The following ZSCAN5A variants were observed in gnomAD, a reference collection of about 807,000 sequenced individuals.
ZSCAN5A encodes the protein zinc finger and SCAN domain containing 5A.
A neutral mutation model predicts 23.7 loss-of-function variants in ZSCAN5A; 12 were observed. The ratio of observed to expected loss-of-function variants is 0.51; its 90% CI spans 0.32 to 0.82. The LOEUF is 0.82. Among genes scored for constraint, ZSCAN5A ranks in the 40% least tolerant of loss-of-function variants. The pLI is 0.03. For missense variants in ZSCAN5A, 597 were observed against 617.9 expected (o/e 0.97, Z 0.36); for synonymous variants, 257 against 239.9 (o/e 1.07, Z -0.66).
chr19:56,247,835 G>T (rs190455745), intron 2 of ZSCAN5A, among the ~76,000 whole-genome samples: 2 of 152,186 alleles, frequency 1.3e-5, no homozygotes, highest in East Asian at 3.9e-4. Context: ...GGGACTACAG[G>T]CGCCTGCCAC....
intron 2 of ZSCAN5A, among the ~76,000 whole-genome samples, chr19:56,264,299 A>C (rs115384341): frequency 2.4e-3 from 364 of 152,278 alleles, no homozygotes; most frequent in African/African-American, 8.2e-3. Context: ...CAGCCCAAGA[A>C]AGACTTTTTG....
At chr19:56,297,576 G>C (rs2039963190) in intron 2 of ZSCAN5A, 1 of 959,086 alleles carries the variant, frequency 1.0e-6, no homozygotes, top group South Asian at 4.8e-5. Context: ...AAGACAGTGT[G>C]TCCCTTCTGT....
rs527475455 is a variant in ZSCAN5A at position 56,248,968 on chromosome 19, A to G, written c.-127-23795T>C. Among the ~76,000 whole-genome samples the G allele has an allele frequency of 8.5e-4, 130 of 152,238 alleles. 2 individuals are homozygous for G. The highest frequency in any genetic ancestry group is 7.7e-4 in the East Asian group (4 of 5,168). ...TCCTGTGGGTTTGGACAAAGGCCTC[A>G]TGAGTATCCACCACTGGAGTATCAT... On this transcript the variant is annotated intron_variant, in intron 2 of 5. Transcript: ENST00000683990.
intron 2 of ZSCAN5A, among the ~76,000 whole-genome samples, chr19:56,237,023 G>T (rs914548009): frequency 2.0e-5 from 3 of 152,238 alleles, no homozygotes; most frequent in Non-Finnish European, 2.9e-5. Context: ...TAGCCAATGG[G>T]AGGCCTGTCA....
intron 2 of ZSCAN5A, chr19:56,302,103 G>A (rs1452343575): frequency 1.2e-5 from 15 of 1,231,754 alleles, no homozygotes; most frequent in African/African-American, 1.6e-5. Context: ...TGGGTAAGAA[G>A]AAGGCAGCAC....
intron 2 of ZSCAN5A, among the ~76,000 whole-genome samples, chr19:56,290,735 A>C (rs1316726719): frequency 6.6e-6 from 1 of 152,174 alleles, no homozygotes; most frequent in Non-Finnish European, 1.5e-5. Flanking sequence ...TAGTTTTACG[A>C]TATTGAATGG....
intron 2 of ZSCAN5A, chr19:56,245,377 C>T (rs778325280): frequency 2.7e-6 from 2 of 750,926 alleles, no homozygotes; most frequent in African/African-American, 1.7e-5. Context: ...GCCAGGCCAG[C>T]CAAGAGCTGC....
intron 2 of ZSCAN5A, among the ~76,000 whole-genome samples, chr19:56,237,637 G>T (rs1020566720): frequency 6.6e-6 from 1 of 152,110 alleles, no homozygotes; most frequent in African/African-American, 2.4e-5. Context: ...ATCGATTATG[G>T]GCCGGGGCGC....
At chr19:56,302,331 C>CT (rs1220330517) in intron 2 of ZSCAN5A, among the ~76,000 whole-genome samples, 1 of 140,906 alleles carries the variant, frequency 7.1e-6, no homozygotes, top group African/African-American at 2.6e-5. Context: ...CCTCCCCTTC[C>CT]TCCTTCCCTT....
chr19:56,362,135 G>T (rs10401898), intron 2 of ZSCAN5A, among the ~76,000 whole-genome samples: 23,464 of 147,944 alleles, frequency 0.16, 1,962 homozygotes, highest in Middle Eastern at 0.3. Context: ...TCTAGCCTGG[G>T]CGACAGAGTG....
chr19:56,347,435 T>C (rs189175243), intron 2 of ZSCAN5A: 1 of 152,184 alleles, frequency 6.6e-6, no homozygotes, highest in East Asian at 1.9e-4. Flanking sequence ...TATCAGTTAA[T>C]TGCACTCTTG....
At chr19:56,225,451 A>C (rs1348666895) in intron 2 of ZSCAN5A, 1 of 162,678 alleles carries the variant, frequency 6.1e-6, no homozygotes, top group Non-Finnish European at 1.3e-5. Context: ...TAGTTAGGTG[A>C]AGCTCTGAAA....
intron 2 of ZSCAN5A, among the ~76,000 whole-genome samples, chr19:56,225,644 A>T (rs2033852073): frequency 1.3e-5 from 2 of 152,248 alleles, no homozygotes; most frequent in Non-Finnish European, 2.9e-5. Flanking sequence ...ACAGCATTAA[A>T]GGATCCTATG....
intron 2 of ZSCAN5A, chr19:56,342,535 C>A: frequency 2.9e-6 from 1 of 339,114 alleles, no homozygotes; most frequent in Non-Finnish European, 6.1e-6. Flanking sequence ...AAGAATGGAC[C>A]ACCCACTTTA....
upstream of ZSCAN5A, chr19:56,316,407 C>A (rs2041313939): frequency 6.6e-6 from 1 of 152,020 alleles, no homozygotes; most frequent in African/African-American, 2.4e-5. Context: ...CCAATCAACA[C>A]TTACTGATTC....
chr19:56,232,123 G>A (rs2034529511), intron 2 of ZSCAN5A, among the ~76,000 whole-genome samples: 1 of 150,800 alleles, frequency 6.6e-6, no homozygotes, highest in Admixed American at 6.7e-5. Flanking sequence ...CAGGTGGCTG[G>A]GACCACTATG....
At chr19:56,321,404 C>T (rs754233016) in intron 2 of ZSCAN5A, 3 of 653,880 alleles carry the variant, frequency 4.6e-6, no homozygotes, top group Non-Finnish European at 8.5e-6. Flanking sequence ...GCATCCTTAT[C>T]ATCTATTTTG....
chr19:56,271,893 C>G (rs2037874856), intron 2 of ZSCAN5A, among the ~76,000 whole-genome samples: 1 of 152,186 alleles, frequency 6.6e-6, no homozygotes, highest in Non-Finnish European at 1.5e-5. Context: ...AGCTAAAGTT[C>G]TTGACTGTCA....
intron 2 of ZSCAN5A, chr19:56,244,059 A>G: frequency 2.8e-6 from 3 of 1,057,032 alleles, no homozygotes; most frequent in Admixed American, 2.1e-5. Flanking sequence ...GCAAATTGCA[A>G]CTCCTCATGG....
Sources: allele counts gnomAD v4.1 joint callset (sites outside exome capture counted in the v4.1 genomes callset), GRCh38; gene constraint gnomAD v4.1.1; transcripts MANE v1.5; gene names NCBI Gene and HGNC (gene_info 2026-07-23, HGNC 2026-07-21).